PDE7A: variants seen among roughly 807,000 people sequenced by gnomAD.
PDE7A encodes the protein phosphodiesterase 7A.
Under a neutral mutation model 64.3 loss-of-function variants are expected in PDE7A, and 39 were observed. The observed-to-expected ratio is 0.61, with a 90% confidence interval of 0.47 to 0.79. PDE7A has a LOEUF of 0.79. Among genes scored for constraint, PDE7A ranks in the 30% least tolerant of loss-of-function variants. The pLI is 0.00. For synonymous variants in PDE7A, 203 were observed against 206.8 expected (o/e 0.98, Z 0.16); for missense variants, 470 against 582.8 (o/e 0.81, Z 1.99).
chr8:65,735,159 C>T (rs1192081835), intron 6 of PDE7A, among the ~76,000 whole-genome samples: 3 of 152,156 alleles, frequency 2.0e-5, no homozygotes, highest in African/African-American at 7.2e-5. Flanking sequence ...ACTTGACAGC[C>T]CTAGCAGCAT....
At chr8:65,767,959 CT>C (rs1183556196) in intron 3 of PDE7A, among the ~76,000 whole-genome samples, 1 of 152,126 alleles carries the variant, frequency 6.6e-6, no homozygotes, top group East Asian at 1.9e-4. Flanking sequence ...TGACTGGTGT[CT>C]GGGTTTTGGG....
At position 65,841,412 on chromosome 8, in the gene PDE7A, A is replaced by G; in HGVS notation, c.97T>C (p.Ser33Pro). The G allele has an allele frequency of 6.4e-7, 1 of 1,564,536 alleles. No individual in the cohort carries two copies. The highest frequency in any genetic ancestry group is 1.2e-5 in the South Asian group (1 of 85,970). Residue 33 changes from serine (S) to proline (P), a missense_variant, in exon 1 of 13, where the codon TCC (serine) becomes CCC (proline). Coordinates refer to ENST00000401827, the MANE Select transcript of PDE7A (RefSeq NM_001242318.3). ...RRGAISFSSS[S>P]ALFGCPNPRQ... is the part of the protein sequence containing the mutation. ...GGATTGGGGCAGCCGAAGAGAGCGG[A>G]GCTGGAGCTGAAGCTGATGGCTCCT... is the stretch of plus-strand genomic sequence containing the variant.
At chr8:65,728,911 A>G (rs1178179348) in intron 7 of PDE7A, among the ~76,000 whole-genome samples, 3 of 152,242 alleles carry the variant, frequency 2.0e-5, no homozygotes, top group African/African-American at 7.2e-5. Flanking sequence ...AAGCAACTGA[A>G]TTCTCAAAAA....
At position 65,841,963 on chromosome 8, in the gene PDE7A, GGCCGCCGCCGCC is replaced by G. The variant is rs376061587; in HGVS notation, c.-467_-456del. 3,084 of 244,228 alleles carry G rather than the reference GGCCGCCGCCGCC, an allele frequency of 0.013. 37 individuals are homozygous for G. The highest frequency in any genetic ancestry group is 0.033 in the African/African-American group (1,375 of 41,198). 15.1% of individuals were successfully genotyped at this position (244,228 alleles called of 1,614,324 possible). ...GGACTCAGGAGCAGCGACCAGCTCG[GGCCGCCGCCGCC>G]GCCGCCGCCGCCGCCGCCGGAGTCC... On this transcript the variant is annotated 5_prime_UTR_variant, in exon 1 of 13. Coordinates refer to ENST00000401827, the MANE Select transcript of PDE7A (RefSeq NM_001242318.3).
At chr8:65,734,749 G>A (rs913998941) in intron 7 of PDE7A, 45 bp downstream of exon 7, 5 of 1,073,826 alleles carry the variant, frequency 4.7e-6, no homozygotes, top group Middle Eastern at 2.0e-4. Flanking sequence ...AAATCAAAAG[G>A]AATTTTCTTA....
rs80156564 is a variant in PDE7A, at chr8:65,801,562, C to A, written c.139-18719G>T. 7.2e-4 allele frequency among the ~76,000 whole-genome samples: 109 copies of A among 151,402 alleles called. 1 individual carries two copies. The East Asian group carries it at 0.019, about 27-fold the overall frequency. On this transcript the variant is annotated intron_variant, in intron 1 of 12. Coordinates refer to ENST00000401827, the MANE Select transcript of PDE7A (RefSeq NM_001242318.3). The stretch of plus-strand genomic sequence containing the variant: ...AGCACCCCCCAGTAACTCTTACTAA[C>A]GGAATACAATGAGCAATAATCATTA...
intron 3 of PDE7A, among the ~76,000 whole-genome samples, chr8:65,755,047 G>A (rs1189797716): frequency 1.4e-5 from 2 of 142,026 alleles, no homozygotes; most frequent in Non-Finnish European, 3.0e-5. Context: ...TTGAGACAGA[G>A]TCTCACTCTG....
intron 3 of PDE7A, among the ~76,000 whole-genome samples, chr8:65,775,035 A>C (rs1809218799): frequency 6.6e-6 from 1 of 152,200 alleles, no homozygotes; most frequent in African/African-American, 2.4e-5. Context: ...ATAAACTGTA[A>C]TTTTTAAGAA....
At chr8:65,819,695 T>C (rs944046509) in intron 1 of PDE7A, among the ~76,000 whole-genome samples, 5 of 152,194 alleles carry the variant, frequency 3.3e-5, no homozygotes, top group African/African-American at 9.7e-5. Context: ...ATTCTTCCCA[T>C]TGACAAAAGT....
At chr8:65,803,316 AACAG>A (rs2128928420) in intron 1 of PDE7A, among the ~76,000 whole-genome samples, 1 of 152,340 alleles carries the variant, frequency 6.6e-6, no homozygotes, top group Non-Finnish European at 1.5e-5. Flanking sequence ...AAGTTACAGC[AACAG>A]ACAGACATGG....
chr8:65,726,131 C>A (rs1585828599), intron 9 of PDE7A, among the ~76,000 whole-genome samples: 1 of 152,266 alleles, frequency 6.6e-6, no homozygotes, highest in African/African-American at 2.4e-5. Flanking sequence ...TATTTTTATA[C>A]CTCACCACTT....
intron 1 of PDE7A, among the ~76,000 whole-genome samples, chr8:65,819,790 A>G (rs750460192): frequency 1.3e-5 from 2 of 152,216 alleles, no homozygotes; most frequent in Non-Finnish European, 2.9e-5. Flanking sequence ...TGAGCATACA[A>G]TCAGTCACAT....
chr8:65,756,328 T>C (rs1019163856), intron 3 of PDE7A, among the ~76,000 whole-genome samples: 2 of 152,234 alleles, frequency 1.3e-5, no homozygotes, highest in South Asian at 2.1e-4. Flanking sequence ...GTTTATTTTT[T>C]CAAATATTTT....
At chr8:65,743,637 C>T (rs1807539808) in intron 5 of PDE7A, among the ~76,000 whole-genome samples, 1 of 152,124 alleles carries the variant, frequency 6.6e-6, no homozygotes, top group South Asian at 2.1e-4. Flanking sequence ...TACTAAAAGA[C>T]CCACATTGAT....
At chr8:65,840,548 C>T (rs951520485) in intron 1 of PDE7A, among the ~76,000 whole-genome samples, 9 of 152,170 alleles carry the variant, frequency 5.9e-5, no homozygotes, top group Non-Finnish European at 1.3e-4. Context: ...TAACTTCTGG[C>T]AGCAGAAAGT....
chr8:65,763,689 C>T (rs1161837545), intron 3 of PDE7A, among the ~76,000 whole-genome samples: 2 of 152,162 alleles, frequency 1.3e-5, no homozygotes, highest in Admixed American at 6.5e-5. Flanking sequence ...CATAGCATAG[C>T]TCCTCAGTCA....
At chr8:65,821,698 GAT>G (rs1810545484) in intron 1 of PDE7A, among the ~76,000 whole-genome samples, 1 of 152,158 alleles carries the variant, frequency 6.6e-6, no homozygotes, top group Non-Finnish European at 1.5e-5. Flanking sequence ...TTGAAATGGT[GAT>G]AGTCAGAATC....
chr8:65,726,132 C>G (rs976733694), intron 9 of PDE7A, among the ~76,000 whole-genome samples: 1 of 152,094 alleles, frequency 6.6e-6, no homozygotes, highest in Non-Finnish European at 1.5e-5. Context: ...ATTTTTATAC[C>G]TCACCACTTT....
intron 2 of PDE7A, chr8:65,780,719 T>C (rs1004964421): frequency 2.6e-5 from 4 of 152,214 alleles, no homozygotes; most frequent in Non-Finnish European, 5.9e-5. Flanking sequence ...CCCAGCTCCA[T>C]GGGTTCCAAA....
Sources: allele counts gnomAD v4.1 joint callset (sites outside exome capture counted in the v4.1 genomes callset), GRCh38; gene constraint gnomAD v4.1.1; transcripts MANE v1.5; gene names NCBI Gene and HGNC (gene_info 2026-07-23, HGNC 2026-07-21).